Variants in MCF2L observed in about 807,000 individuals in gnomAD.
MCF2L encodes MCF.2 cell line derived transforming sequence like, also known as guanine nucleotide exchange factor DBS.
MCF2L carries 97 observed loss-of-function variants against 153.4 expected under a neutral mutation model. The observed-to-expected ratio is 0.63, with a 90% CI of 0.54 to 0.75. The LOEUF (loss-of-function observed/expected upper bound fraction) is 0.75, where lower values mean the gene tolerates loss of function less well. Among genes scored for constraint, MCF2L ranks in the 30% least tolerant of loss-of-function variants. The pLI is 0.00. For synonymous variants in MCF2L, 659 were observed against 632.2 expected (o/e 1.04, Z -0.64); for missense variants, 1,347 against 1,495.2 (o/e 0.90, Z 1.64).
At position 113,084,315 on chromosome 13, in the gene MCF2L, G is replaced by GACCTCCTGTACCCCAGA. The variant is rs1401786709; in HGVS notation, c.2061+257_2061+273dup. 3.0e-3 allele frequency among the ~76,000 whole-genome samples: 97 copies of GACCTCCTGTACCCCAGA among 32,600 alleles called. 1 individual carries two copies. The South Asian group carries it at 0.063, about 21-fold the overall frequency. The allele number at this position is 32,600 out of a possible 152,430, so 21.4% of individuals were successfully genotyped here. ...ACCCCCAGAACCTCCTGTACCCCAGGACCTCCTGTACCCCAGAACCTCCTG... is the reference window on the plus strand; with the variant it reads ...ACCCCCAGAACCTCCTGTACCCCAGGACCTCCTGTACCCCAGAACCTCCTGTACCCCAGAACCTCCTG... On this transcript the variant is annotated intron_variant, in intron 18 of 29. Coordinates refer to ENST00000535094, the MANE Select transcript of MCF2L (RefSeq NM_001112732.3).
intron 1 of MCF2L, among the ~76,000 whole-genome samples, chr13:112,987,022 A>AT (rs2082673639): frequency 6.6e-6 from 1 of 151,396 alleles, no homozygotes; most frequent in Non-Finnish European, 1.5e-5. Context: ...GCTGGAGCAC[A>AT]TGAGGTCGCG....
Position 113,065,503 on chromosome 13 carries a change from AGCAG to A in MCF2L, c.756+421_756+424del, listed in dbSNP as rs1285529755. On this transcript the variant is annotated intron_variant, in intron 7 of 29. Coordinates refer to ENST00000535094, the MANE Select transcript of MCF2L (RefSeq NM_001112732.3). ...ATGTCTGTGCCGGTTTCTCATGCCGAGCAGGCGATGAAGTGGCGGTTGGAATTCC... is the reference window on the plus strand; with the variant it reads ...ATGTCTGTGCCGGTTTCTCATGCCGAGCGATGAAGTGGCGGTTGGAATTCC... Among the ~76,000 whole-genome samples, 6 of 152,332 alleles carry A rather than the reference AGCAG, an allele frequency of 3.9e-5. No individual in the cohort carries two copies. The East Asian group carries it at 9.7e-4, about 25-fold the overall frequency.
At chr13:113,090,654 A>C (rs1011553307) in intron 26 of MCF2L, 1 of 985,442 alleles carries the variant, frequency 1.0e-6, no homozygotes, top group Non-Finnish European at 1.2e-6. Context: ...ATGGCGGGGA[A>C]ATGGGCCCAG....
At position 112,932,061 on chromosome 13, in the gene MCF2L, A is replaced by C. The variant is rs756559393; in HGVS notation, c.169+29690A>C. ...AGTTGTTGTCACGAGGGGAGCTCAGAACCCTACTTCCTGAGTGTGGGATGT... is the reference window on the plus strand; with the variant it reads ...AGTTGTTGTCACGAGGGGAGCTCAGCACCCTACTTCCTGAGTGTGGGATGT... On this transcript the variant is annotated intron_variant, in intron 2 of 29. Transcript: ENST00000375608. The surrounding 1 kb of genome is among the most constrained non-coding windows in gnomAD (Gnocchi z 4.6). 2.0e-4 allele frequency among the ~76,000 whole-genome samples: 30 copies of C among 152,172 alleles called. No individual in the cohort carries two copies. Among genetic ancestry groups the C allele is most frequent in the Non-Finnish European group, 4.0e-4 (27 of 68,032 alleles).
At chr13:113,060,490 C>G (rs2031199436) in intron 4 of MCF2L, 103 bp from the exon 5 acceptor site, 1 of 1,434,658 alleles carries the variant, frequency 7.0e-7, no homozygotes, top group Admixed American at 1.9e-5. Context: ...TGCCTGGCCG[C>G]TAGCTGCGCG....
chr13:113,061,076 G>T (rs1158499762), intron 5 of MCF2L, among the ~76,000 whole-genome samples: 1 of 152,158 alleles, frequency 6.6e-6, no homozygotes, highest in African/African-American at 2.4e-5. Flanking sequence ...GAGGAACTCA[G>T]CCCAGGCCCT....
At position 113,053,435 on chromosome 13, in the gene MCF2L, C is replaced by A. The variant is rs921231921; in HGVS notation, c.370-7158C>A. 6.6e-6 allele frequency among the ~76,000 whole-genome samples: 1 copy of A among 152,176 alleles called. No individual in the cohort carries two copies. Among genetic ancestry groups the A allele is most frequent in the African/African-American group, 2.4e-5 (1 of 41,436 alleles). On this transcript the variant is annotated intron_variant, in intron 4 of 29. Coordinates refer to ENST00000535094, the MANE Select transcript of MCF2L (RefSeq NM_001112732.3). This position sits in a 1 kb window ranked among gnomAD's most constrained non-coding sequence, Gnocchi z 4.4. Reference sequence around the variant, plus strand: ...TTAGGTTCCACGTGGTCCTTTGGGGCGGGAATCCTGGTGGGTGAGCTTCTG... The same window carrying A: ...TTAGGTTCCACGTGGTCCTTTGGGGAGGGAATCCTGGTGGGTGAGCTTCTG...
chr13:113,044,315 T>C (rs2086672041), intron 3 of MCF2L: 1 of 325,840 alleles, frequency 3.1e-6, no homozygotes, highest in African/African-American at 2.1e-5. Context: ...CTCGTCTTCA[T>C]GTCTTGGGAG....
chr13:112,988,895 C>A (rs1197587719), intron 1 of MCF2L, among the ~76,000 whole-genome samples: 1 of 125,794 alleles, frequency 7.9e-6, no homozygotes, highest in African/African-American at 3.3e-5. Flanking sequence ...CCCGAGTCCT[C>A]CCTGAGCAGG....
chr13:112,978,990 G>A (rs2993281), intron 1 of MCF2L, among the ~76,000 whole-genome samples: 60,189 of 152,108 alleles, frequency 0.4, 12,180 homozygotes, highest in African/African-American at 0.47. Context: ...CTCACCCCTC[G>A]GAAGCAGCCA....
intron 2 of MCF2L, among the ~76,000 whole-genome samples, chr13:112,913,072 CTG>C (rs1029783632): frequency 7.0e-6 from 1 of 142,356 alleles, no homozygotes; most frequent in South Asian, 2.3e-4. Context: ...TGGGGTGTGT[CTG>C]TGTGATTGTG....
chr13:113,042,761 C>T (rs577792411), intron 3 of MCF2L: 4 of 152,196 alleles, frequency 2.6e-5, no homozygotes, highest in Non-Finnish European at 4.4e-5. Flanking sequence ...GGGGAGGGTG[C>T]GTTCTGGCTA....
At position 113,089,741 on chromosome 13, in the gene MCF2L, A is replaced by C; in HGVS notation, c.2953+13A>C. ...GAAAAGGGCAAAGGTGGGTATGTGC[A>C]GGGACCGGGCCTCACACGGAGGCCT... On this transcript the variant is annotated intron_variant, in intron 26 of 29. Coordinates refer to ENST00000535094, the MANE Select transcript of MCF2L (RefSeq NM_001112732.3). 1 of 1,610,532 alleles carries C rather than the reference A, an allele frequency of 6.2e-7. No individual in the cohort carries two copies. The highest frequency in any genetic ancestry group is 8.5e-7 in the Non-Finnish European group (1 of 1,177,272).
At chr13:113,076,271 A>T (rs1019835593) in intron 12 of MCF2L, 114 bp downstream of exon 12, 147 of 722,270 alleles carry the variant, frequency 2.0e-4, no homozygotes, top group Middle Eastern at 4.7e-4. Flanking sequence ...ATTTATTATT[A>T]TTTTTTTTTT....
chr13:112,924,593 C>T (rs1016872208), intron 2 of MCF2L, among the ~76,000 whole-genome samples: 3 of 152,166 alleles, frequency 2.0e-5, no homozygotes, highest in Non-Finnish European at 2.9e-5. Context: ...ACACAGAAGA[C>T]TTGAACACAT....
chr13:113,051,998 A>G (rs943115995), intron 4 of MCF2L, among the ~76,000 whole-genome samples: 2 of 152,218 alleles, frequency 1.3e-5, no homozygotes, highest in African/African-American at 4.8e-5. Flanking sequence ...GAAGTTTGGT[A>G]GGGACGAACA....
At chr13:112,930,740 C>T (rs1029819677) in intron 2 of MCF2L, among the ~76,000 whole-genome samples, 30 of 152,286 alleles carry the variant, frequency 2.0e-4, no homozygotes, top group African/African-American at 5.3e-4. Context: ...AGTTCGAGAC[C>T]AGCCTGGCCA....
In MCF2L at chr13:113,056,817, G is replaced by A. The variant is rs377199911; in HGVS notation, c.370-3776G>A. 1.2e-4 allele frequency among the ~76,000 whole-genome samples: 16 copies of A among 137,404 alleles called. No homozygotes were observed. The East Asian group carries it at 1.7e-3, about 15-fold the overall frequency. The allele number at this position is 137,404 out of a possible 152,430, so 90.1% of individuals were successfully genotyped here. The stretch of plus-strand genomic sequence containing the variant: ...GTGTTTGGGTGCTGTGTGTTTGGGT[G>A]CTGAGTGTTTAGGTGCTGTGTGTTT... On this transcript the variant is annotated intron_variant, in intron 4 of 29. Transcript: ENST00000535094.
At chr13:112,985,055 G>T (rs1289673351) in intron 1 of MCF2L, 2 of 203,990 alleles carry the variant, frequency 9.8e-6, no homozygotes, top group Non-Finnish European at 2.1e-5. Flanking sequence ...AGCAAGGGAG[G>T]CCATGCCCCC....
Sources: gnomAD v4.1 joint callset for allele counts (sites outside exome capture counted in the v4.1 genomes callset) on GRCh38, gnomAD v4.1.1 for gene constraint, Gnocchi (gnomAD v3.1) non-coding constraint, MANE v1.5 for transcripts, NCBI Gene and HGNC (gene_info 2026-07-23, HGNC 2026-07-21) for gene names.